Variants in MAL2 observed in about 807,000 individuals in gnomAD.
MAL2 encodes mal, T cell differentiation protein 2.
Under a neutral mutation model 18.1 loss-of-function variants are expected in MAL2, and 17 were observed. The observed-to-expected ratio is 0.94, with a 90% CI of 0.64 to 1.41. The LOEUF is 1.41. Ranked by LOEUF, MAL2 falls within the 40% of genes most tolerant of loss-of-function variation. The pLI, the probability that MAL2 is intolerant of heterozygous loss-of-function variation, is 0.00. For missense variants in MAL2, 222 were observed against 231.9 expected (o/e 0.96, Z 0.28); for synonymous variants, 102 against 102.3 (o/e 1.00, Z 0.02).
At chr8:119,225,396 T>A (rs1416934163) in intron 2 of MAL2, among the ~76,000 whole-genome samples, 3 of 152,162 alleles carry the variant, frequency 2.0e-5, no homozygotes, top group Non-Finnish European at 4.4e-5. Context: ...GTCCTTGTGA[T>A]AGTTTGCTGA....
chr8:119,224,637 G>GC (rs1341232045), intron 2 of MAL2, among the ~76,000 whole-genome samples: 3 of 151,806 alleles, frequency 2.0e-5, no homozygotes, highest in Admixed American at 1.3e-4. Context: ...TAGTGTAACA[G>GC]CCCCCCGAGT....
At chr8:119,238,440 G>A (rs201605528) in intron 2 of MAL2, among the ~76,000 whole-genome samples, 1 of 151,944 alleles carries the variant, frequency 6.6e-6, no homozygotes, top group Non-Finnish European at 1.5e-5. Flanking sequence ...AAAGTTCATA[G>A]GAACCGAAAA....
At chr8:119,230,934 A>G (rs908771768) in intron 2 of MAL2, among the ~76,000 whole-genome samples, 1 of 152,230 alleles carries the variant, frequency 6.6e-6, no homozygotes, top group Admixed American at 6.5e-5. Flanking sequence ...TTTACAAATG[A>G]GAGTTATTTA....
chr8:119,236,946 G>T (rs1253319442), intron 2 of MAL2, among the ~76,000 whole-genome samples: 3 of 150,242 alleles, frequency 2.0e-5, no homozygotes, highest in Non-Finnish European at 3.0e-5. Flanking sequence ...TAAAATCAGA[G>T]CAGAACTGAA....
intron 2 of MAL2, among the ~76,000 whole-genome samples, chr8:119,230,207 A>C (rs1353672966): frequency 6.6e-6 from 1 of 152,218 alleles, no homozygotes; most frequent in Non-Finnish European, 1.5e-5. Flanking sequence ...TCACATTGGC[A>C]TTGCCATAAA....
chr8:119,240,904 T>A (rs1818034733), intron 3 of MAL2, among the ~76,000 whole-genome samples: 1 of 152,168 alleles, frequency 6.6e-6, no homozygotes, highest in African/African-American at 2.4e-5. Context: ...TCATCTTTAA[T>A]TCGTATACTG....
chr8:119,225,581 C>T (rs547988328), intron 2 of MAL2, among the ~76,000 whole-genome samples: 274 of 152,218 alleles, frequency 1.8e-3, no homozygotes, highest in Middle Eastern at 6.8e-3. Context: ...AATAAACATA[C>T]GTGTGCATGT....
intron 2 of MAL2, among the ~76,000 whole-genome samples, chr8:119,239,945 A>G (rs1379530956): frequency 6.6e-6 from 1 of 152,168 alleles, no homozygotes; most frequent in Non-Finnish European, 1.5e-5. Flanking sequence ...AATTCAGTAT[A>G]TGGAAAGGTT....
At chr8:119,215,298 G>C (rs1182922602) in intron 1 of MAL2, 1 of 152,180 alleles carries the variant, frequency 6.6e-6, no homozygotes, top group Non-Finnish European at 1.5e-5. Flanking sequence ...ATGAACCAGG[G>C]AGTGAGCTGG....
At chr8:119,234,064 G>T (rs1207568312) in intron 2 of MAL2, among the ~76,000 whole-genome samples, 1 of 152,180 alleles carries the variant, frequency 6.6e-6, no homozygotes. Context: ...CATCTCACTA[G>T]GGAGTGCCAG....
intron 3 of MAL2, 142 bp downstream of exon 3, chr8:119,240,462 A>G (rs1308132447): frequency 4.6e-6 from 4 of 869,734 alleles, no homozygotes; most frequent in East Asian, 2.7e-5. Context: ...TATCTGTACA[A>G]TAACCTTGTA....
chr8:119,229,877 G>A (rs1817678151), intron 2 of MAL2, among the ~76,000 whole-genome samples: 1 of 152,158 alleles, frequency 6.6e-6, no homozygotes. Flanking sequence ...ACTGAGGAAG[G>A]ACAGCAGTTC....
chr8:119,228,348 G>A (rs1817639796), intron 2 of MAL2, among the ~76,000 whole-genome samples: 1 of 152,130 alleles, frequency 6.6e-6, no homozygotes, highest in African/African-American at 2.4e-5. Context: ...AGAGCTGTGG[G>A]AACATAAATC....
chr8:119,229,684 TC>T (rs1363162466), intron 2 of MAL2, among the ~76,000 whole-genome samples: 1 of 152,150 alleles, frequency 6.6e-6, no homozygotes, highest in Admixed American at 6.5e-5. Flanking sequence ...GGGAAAATAG[TC>T]CCTAACCACT....
At chr8:119,242,027 C>CT (rs1325197801) in intron 3 of MAL2, among the ~76,000 whole-genome samples, 1 of 152,142 alleles carries the variant, frequency 6.6e-6, no homozygotes. Flanking sequence ...AGTTCAGGGA[C>CT]TTTCCTATGC....
chr8:119,228,999 C>T (rs978987160), intron 2 of MAL2, among the ~76,000 whole-genome samples: 2 of 152,106 alleles, frequency 1.3e-5, no homozygotes, highest in Admixed American at 1.3e-4. Context: ...GGAGGCCATA[C>T]TCTTGGGCCT....
chr8:119,237,116 G>A (rs530085938), intron 2 of MAL2, among the ~76,000 whole-genome samples: 38 of 152,270 alleles, frequency 2.5e-4, no homozygotes, highest in South Asian at 1.0e-3. Context: ...TATCAGCACC[G>A]ATCCACAGAA....
At chr8:119,222,520 C>CAA (rs771003231) in intron 2 of MAL2, among the ~76,000 whole-genome samples, 25 of 80,586 alleles carry the variant, frequency 3.1e-4, no homozygotes, top group African/African-American at 1.0e-3. Flanking sequence ...GACTCCATCT[C>CAA]AAAAAAAAAA....
chr8:119,232,949 G>C (rs774262598), intron 2 of MAL2, among the ~76,000 whole-genome samples: 17 of 152,160 alleles, frequency 1.1e-4, no homozygotes, highest in Non-Finnish European at 2.1e-4. Context: ...TGTGGGCTGA[G>C]AGACAGTTTG....
Sources: gnomAD v4.1 joint callset for allele counts (sites outside exome capture counted in the v4.1 genomes callset) on GRCh38, gnomAD v4.1.1 for gene constraint, MANE v1.5 for transcripts, NCBI Gene and HGNC (gene_info 2026-07-23, HGNC 2026-07-21) for gene names.